The following PATJ variants were observed in gnomAD, a reference collection of about 807,000 sequenced individuals.
The protein encoded by PATJ is PATJ crumbs cell polarity complex component.
Under a neutral mutation model 224.9 loss-of-function variants are expected in PATJ, and 190 were observed. That is an observed-to-expected ratio of 0.84 (90% confidence interval 0.75 to 0.95). The LOEUF (loss-of-function observed/expected upper bound fraction) is 0.95. Among genes scored for constraint, PATJ ranks in the 40% least tolerant of loss-of-function variants. PATJ has a pLI of 0.00. For missense variants in PATJ, 2,121 were observed against 2,270.3 expected (o/e 0.93, Z 1.34); for synonymous variants, 769 against 820.3 (o/e 0.94, Z 1.07).
intron 27 of PATJ, among the ~76,000 whole-genome samples, chr1:61,936,179 G>A (rs1339365667): frequency 6.6e-6 from 1 of 151,422 alleles, no homozygotes; most frequent in African/African-American, 2.4e-5. Flanking sequence ...CTACTCATTA[G>A]CAGTCACTCC....
chr1:61,930,349 A>C (rs1197545184), intron 27 of PATJ, among the ~76,000 whole-genome samples: 1 of 152,176 alleles, frequency 6.6e-6, no homozygotes, highest in African/African-American at 2.4e-5. Flanking sequence ...TCCTTGACTC[A>C]TGTTAAATGA....
At chr1:61,911,580 G>C (rs1672646403) in intron 25 of PATJ, among the ~76,000 whole-genome samples, 1 of 151,968 alleles carries the variant, frequency 6.6e-6, no homozygotes, top group Middle Eastern at 3.4e-3. Context: ...CTACTTGGAT[G>C]TACTTGGCAA....
chr1:62,148,120 T>TAAAAGAAAA (rs1558235712), intron 41 of PATJ, among the ~76,000 whole-genome samples, 164 bp from the exon 42 acceptor site: 1 of 108,498 alleles, frequency 9.2e-6, no homozygotes. Flanking sequence ...GACACTGTCT[T>TAAAAGAAAA]TAAAAAAAAA....
At chr1:61,925,353 T>A (rs1455743243) in intron 26 of PATJ, among the ~76,000 whole-genome samples, 1 of 151,928 alleles carries the variant, frequency 6.6e-6, no homozygotes, top group Non-Finnish European at 1.5e-5. Flanking sequence ...AGAAGCAGCA[T>A]AATATAGATT....
chr1:62,105,516 C>G (rs571779493), intron 33 of PATJ, among the ~76,000 whole-genome samples: 1 of 152,104 alleles, frequency 6.6e-6, no homozygotes, highest in Non-Finnish European at 1.5e-5. Flanking sequence ...TCATTAGTGT[C>G]GCAGGGATCA....
chr1:61,830,479 G>A (rs961535443), intron 16 of PATJ, among the ~76,000 whole-genome samples: 3 of 82,860 alleles, frequency 3.6e-5, no homozygotes, highest in Admixed American at 1.4e-4. Flanking sequence ...ATTTTTCACC[G>A]AATTAGAAAA....
intron 16 of PATJ, among the ~76,000 whole-genome samples, chr1:61,829,557 G>A (rs1658946481): frequency 6.6e-6 from 1 of 152,212 alleles, no homozygotes; most frequent in African/African-American, 2.4e-5. Flanking sequence ...CTGCCCATTA[G>A]TTGATTGCTT....
chr1:61,891,959 A>C (rs1218340055), intron 22 of PATJ, among the ~76,000 whole-genome samples: 1 of 152,174 alleles, frequency 6.6e-6, no homozygotes, highest in Non-Finnish European at 1.5e-5. Context: ...CTGTTTTAGA[A>C]CACATGTACA....
intron 17 of PATJ, among the ~76,000 whole-genome samples, chr1:61,843,767 A>G (rs933737216): frequency 1.3e-5 from 2 of 152,060 alleles, no homozygotes; most frequent in African/African-American, 4.8e-5. Context: ...TTCTTAACTC[A>G]AAATAATCAG....
At chr1:61,767,678 CTT>C (rs1163770714) in intron 4 of PATJ, among the ~76,000 whole-genome samples, 5 of 134,954 alleles carry the variant, frequency 3.7e-5, no homozygotes, top group Non-Finnish European at 3.2e-5. Context: ...CTTTTCTTTT[CTT>C]TTTTTTTTTT....
intron 4 of PATJ, among the ~76,000 whole-genome samples, chr1:61,766,924 C>T (rs950341191): frequency 1.3e-5 from 2 of 152,140 alleles, no homozygotes; most frequent in African/African-American, 4.8e-5. Flanking sequence ...AAAACCCTGT[C>T]TCTACTAAAA....
At position 61,820,073 on chromosome 1, in the gene PATJ, G is replaced by A. The variant is rs914076678; in HGVS notation, c.1684-2872G>A. Among the ~76,000 whole-genome samples, 14 of 151,872 alleles carry A rather than the reference G, an allele frequency of 9.2e-5. No individual in the cohort carries two copies. In the South Asian group the frequency reaches 1.7e-3, roughly 18 times the overall value. ...TATTTATTTTTTGAGATGGAGTCTC[G>A]CTCTGTCGCCCAGGCTGGAGTGCAG... On this transcript the variant is annotated intron_variant, in intron 14 of 43. Coordinates refer to ENST00000642238, the MANE Select transcript of PATJ (RefSeq NM_001350145.3).
intron 12 of PATJ, among the ~76,000 whole-genome samples, chr1:61,802,343 TG>T (rs1482747086): frequency 1.3e-5 from 2 of 152,250 alleles, no homozygotes; most frequent in East Asian, 1.9e-4. Flanking sequence ...TCTGCCCACC[TG>T]GGCCTCCCAA....
chr1:61,907,243 T>TA (rs1671982663), intron 24 of PATJ, among the ~76,000 whole-genome samples: 1 of 152,200 alleles, frequency 6.6e-6, no homozygotes, highest in Non-Finnish European at 1.5e-5. Flanking sequence ...AACAAAGTAA[T>TA]ACAACAGGTA....
intron 20 of PATJ, among the ~76,000 whole-genome samples, chr1:61,874,568 C>T (rs887569223): frequency 2.0e-5 from 3 of 152,192 alleles, no homozygotes; most frequent in Admixed American, 6.5e-5. Context: ...TCTATCACCC[C>T]ACAAAAGTCC....
At chr1:61,748,979 A>C (rs1645175806) in intron 1 of PATJ, among the ~76,000 whole-genome samples, 1 of 151,818 alleles carries the variant, frequency 6.6e-6, no homozygotes, top group Admixed American at 6.6e-5. Flanking sequence ...CATATGAAGT[A>C]ATTTTTTTTT....
intron 31 of PATJ, among the ~76,000 whole-genome samples, chr1:62,064,264 T>A (rs190522615): frequency 6.6e-5 from 10 of 152,266 alleles, no homozygotes; most frequent in Admixed American, 3.3e-4. Context: ...ATAATATGGT[T>A]TTTGTTTTTA....
At chr1:61,802,178 C>T (rs1321715333) in intron 12 of PATJ, among the ~76,000 whole-genome samples, 2 of 152,110 alleles carry the variant, frequency 1.3e-5, no homozygotes, top group Non-Finnish European at 2.9e-5. Flanking sequence ...ACTGCAACCT[C>T]CACCTCCTGG....
At chr1:61,898,065 C>T (rs12093652) in intron 22 of PATJ, among the ~76,000 whole-genome samples, 1 of 152,106 alleles carries the variant, frequency 6.6e-6, no homozygotes, top group Non-Finnish European at 1.5e-5. Flanking sequence ...TGGAGTTTTG[C>T]TGCATTTTAT....
Sources: gnomAD v4.1 joint callset for allele counts (sites outside exome capture counted in the v4.1 genomes callset) on GRCh38, gnomAD v4.1.1 for gene constraint, MANE v1.5 for transcripts, NCBI Gene and HGNC (gene_info 2026-07-23, HGNC 2026-07-21) for gene names.